Variants in KIAA1217 observed in about 807,000 individuals in gnomAD.
KIAA1217 encodes KIAA1217.
A neutral mutation model predicts 163.9 loss-of-function variants in KIAA1217; 88 were observed. The observed-to-expected ratio is 0.54, with a 90% CI of 0.45 to 0.64. KIAA1217 has a LOEUF of 0.64. KIAA1217 is among the 30% of genes least tolerant of loss of function. The probability of loss-of-function intolerance (pLI) is 0.00; values close to 1 mark genes in which losing one functional copy is unlikely to be tolerated. For missense variants in KIAA1217, 2,372 were observed against 2,475.0 expected, an observed-to-expected ratio of 0.96 and a Z score of 0.88; for synonymous variants, 903 against 923.1, an observed-to-expected ratio of 0.98 and a Z score of 0.39.
At chr10:24,046,503 T>G (rs941384769) in intron 2 of KIAA1217, among the ~76,000 whole-genome samples, 2 of 152,088 alleles carry the variant, frequency 1.3e-5, no homozygotes, top group Non-Finnish European at 2.9e-5. Flanking sequence ...CTCAGGAAAC[T>G]TACAGTCATG....
chr10:23,766,587 C>CTTTTTTTTTTTTTTT (rs766892555), intron 1 of KIAA1217, among the ~76,000 whole-genome samples: 1 of 133,774 alleles, frequency 7.5e-6, no homozygotes, highest in African/African-American at 3.0e-5. Flanking sequence ...TTCTTTCTTT[C>CTTTTTTTTTTTTTTT]TTTTTTCTTT....
intron 2 of KIAA1217, among the ~76,000 whole-genome samples, chr10:24,244,008 C>T (rs765989051): frequency 6.6e-6 from 1 of 152,196 alleles, no homozygotes; most frequent in Non-Finnish European, 1.5e-5. Context: ...CTGAAGAAGT[C>T]TCCTGCCTGG....
intron 2 of KIAA1217, among the ~76,000 whole-genome samples, chr10:24,149,770 AAG>A (rs1564758770): frequency 6.6e-6 from 1 of 152,170 alleles, no homozygotes; most frequent in Non-Finnish European, 1.5e-5. Context: ...CTCAACACAA[AAG>A]AGATAAATAT....
chr10:24,401,453 A>G (rs1438491230), intron 3 of KIAA1217, among the ~76,000 whole-genome samples: 4 of 152,208 alleles, frequency 2.6e-5, no homozygotes, highest in Non-Finnish European at 5.9e-5. Flanking sequence ...AAATTTATAA[A>G]GTAATCCACC....
intron 4 of KIAA1217, among the ~76,000 whole-genome samples, chr10:24,438,024 A>G (rs1270831761): frequency 6.6e-6 from 1 of 151,766 alleles, no homozygotes; most frequent in Non-Finnish European, 1.5e-5. Flanking sequence ...TATCAACCAA[A>G]TCTCTTTGAA....
In KIAA1217 at chr10:24,258,095, C is replaced by A. The variant is rs535610684; in HGVS notation, c.354+38186C>A. Among the ~76,000 whole-genome samples, 12 of 152,210 alleles carry A rather than the reference C, an allele frequency of 7.9e-5. No homozygotes were observed. In the South Asian group the frequency reaches 2.5e-3, roughly 32 times the overall value. ...ACTTGGGAGGCTGAGGTGGGAGGAT[C>A]ACTTGAGCCCAAGAGGTCAAGGCTG... On this transcript the variant is annotated intron_variant, in intron 2 of 20. Coordinates refer to ENST00000376454, the MANE Select transcript of KIAA1217 (RefSeq NM_019590.5).
Position 23,960,109 on chromosome 10 carries a change from G to A in KIAA1217, c.-320-47116G>A, listed in dbSNP as rs530594842. Among the ~76,000 whole-genome samples, 5 of 150,980 alleles carry A rather than the reference G, an allele frequency of 3.3e-5. No individual in the cohort carries two copies. The South Asian group carries it at 1.1e-3, about 32-fold the overall frequency. The stretch of plus-strand genomic sequence containing the variant: ...TTTTTGTATTTTTAGTAGAGATGGG[G>A]TTTCACTGTGTTAGCCAGGGTGGTC... On this transcript the variant is annotated intron_variant, in intron 1 of 18. Transcript: ENST00000376462.
At position 24,543,738 on chromosome 10, in the gene KIAA1217, GA is replaced by G. The variant is rs1460321695; in HGVS notation, c.4469del (p.Asp1490ValfsTer3). 6.2e-7 allele frequency: 1 copy of G among 1,613,504 alleles called. No individual in the cohort carries two copies. Among genetic ancestry groups the G allele is most frequent in the African/African-American group, 1.3e-5 (1 of 74,870 alleles). ...IEEEEEEENG[D>X]SVVQNNNTSQ... ...GGAGGAGGAAGAGGAGGAAAATGGG[GA>G]TTCTGTAGTCCAGAATAATAACACT... On this transcript the variant is annotated frameshift_variant, in exon 19 of 21. Coordinates refer to ENST00000376454, the MANE Select transcript of KIAA1217 (RefSeq NM_019590.5). LOFTEE classifies it high-confidence loss of function.
chr10:24,242,219 A>G (rs1038551531), intron 2 of KIAA1217, among the ~76,000 whole-genome samples: 16 of 152,148 alleles, frequency 1.1e-4, no homozygotes, highest in Non-Finnish European at 2.2e-4. Flanking sequence ...ATAGTACCCA[A>G]TAGGTAGTTT....
At chr10:24,245,688 G>A (rs2073710754) in intron 2 of KIAA1217, among the ~76,000 whole-genome samples, 1 of 151,990 alleles carries the variant, frequency 6.6e-6, no homozygotes, top group Non-Finnish European at 1.5e-5. Context: ...CTGGAGTGTA[G>A]TGGTACAATC....
intron 2 of KIAA1217, among the ~76,000 whole-genome samples, chr10:24,064,926 C>T (rs2060878639): frequency 6.6e-6 from 1 of 152,154 alleles, no homozygotes; most frequent in Non-Finnish European, 1.5e-5. Flanking sequence ...AGTTTATTTG[C>T]ATAGAGGTGT....
intron 2 of KIAA1217, among the ~76,000 whole-genome samples, chr10:24,293,346 C>T (rs1173960707): frequency 6.6e-6 from 1 of 152,222 alleles, no homozygotes; most frequent in African/African-American, 2.4e-5. Context: ...GCTGGGATTA[C>T]AGGCGTGAGC....
Position 24,381,075 on chromosome 10 carries a change from T to C in KIAA1217, c.553+8T>C. Reference sequence around the variant, plus strand: ...CGAAAGAAAGATCTCTGGGTAAGCTTTAGAAGGCAGTTTCTGATGCCCCTT... The same window carrying C: ...CGAAAGAAAGATCTCTGGGTAAGCTCTAGAAGGCAGTTTCTGATGCCCCTT... On this transcript the variant is annotated splice_region_variant and intron_variant, in intron 3 of 20. Transcript: ENST00000376454. 6.5e-7 allele frequency: 1 copy of C among 1,527,410 alleles called. No homozygotes were observed. Among genetic ancestry groups the C allele is most frequent in the Non-Finnish European group, 8.8e-7 (1 of 1,134,524 alleles). 94.6% of individuals were successfully genotyped at this position (1,527,410 alleles called of 1,614,324 possible). A position where few individuals can be genotyped will look rare whatever the true frequency, so the allele number is the denominator to read the frequency against.
At chr10:24,063,197 G>A (rs987698611) in intron 2 of KIAA1217, among the ~76,000 whole-genome samples, 36 of 152,148 alleles carry the variant, frequency 2.4e-4, no homozygotes, top group African/African-American at 8.2e-4. Context: ...TGGTGTTTTA[G>A]ACATGAAGTC....
intron 2 of KIAA1217, among the ~76,000 whole-genome samples, chr10:24,059,050 T>C (rs1319148776): frequency 1.3e-5 from 2 of 152,190 alleles, no homozygotes; most frequent in African/African-American, 2.4e-5. Flanking sequence ...GTTGAGGTAA[T>C]TTTCCTCTAT....
chr10:23,783,753 T>A (rs1835362935), intron 1 of KIAA1217, among the ~76,000 whole-genome samples: 1 of 152,090 alleles, frequency 6.6e-6, no homozygotes, highest in Admixed American at 6.6e-5. Context: ...GCTATTGATT[T>A]GTTCGGGCTT....
intron 1 of KIAA1217, among the ~76,000 whole-genome samples, chr10:23,886,954 T>C (rs1564507592): frequency 6.6e-6 from 1 of 151,874 alleles, no homozygotes; most frequent in Non-Finnish European, 1.5e-5. Context: ...CTGTACCTTA[T>C]TCTGTAAGCC....
At chr10:24,416,442 A>C (rs751765914) in intron 3 of KIAA1217, among the ~76,000 whole-genome samples, 1 of 152,228 alleles carries the variant, frequency 6.6e-6, no homozygotes, top group Non-Finnish European at 1.5e-5. Flanking sequence ...CCTGGCTTTG[A>C]TGCTGACGCT....
At chr10:23,929,044 A>T (rs780140156) in intron 1 of KIAA1217, among the ~76,000 whole-genome samples, 11 of 152,220 alleles carry the variant, frequency 7.2e-5, no homozygotes, top group Non-Finnish European at 1.3e-4. Flanking sequence ...TCAGTGTGCC[A>T]GGCAAGGCAG....
Sources: gnomAD v4.1 joint callset for allele counts (sites outside exome capture counted in the v4.1 genomes callset) on GRCh38, gnomAD v4.1.1 for gene constraint, MANE v1.5 for transcripts, NCBI Gene and HGNC (gene_info 2026-07-23, HGNC 2026-07-21) for gene names.